EFCAB14: variants seen among roughly 807,000 people sequenced by gnomAD.
EFCAB14 encodes EF-hand calcium-binding domain-containing protein 14.
Under a neutral mutation model 56.5 loss-of-function variants are expected in EFCAB14, and 43 were observed. The ratio of observed to expected loss-of-function variants is 0.76; its 90% CI spans 0.60 to 0.98. The LOEUF is 0.98. Ranked by LOEUF, EFCAB14 falls within the 50% of genes least tolerant of loss-of-function variation. The pLI is 0.00. For missense variants in EFCAB14, 538 were observed against 580.3 expected (o/e 0.93, Z 0.75); for synonymous variants, 235 against 212.9 (o/e 1.10, Z -0.90).
intron 2 of EFCAB14, among the ~76,000 whole-genome samples, chr1:46,714,540 C>CCAGCACTT (rs1677358273): frequency 6.6e-6 from 1 of 151,868 alleles, no homozygotes. Context: ...AGTTGTAATT[C>CCAGCACTT]CAGCACTTCG....
chr1:46,690,465 G>A (rs892646875), intron 5 of EFCAB14, among the ~76,000 whole-genome samples: 1 of 152,100 alleles, frequency 6.6e-6, no homozygotes, highest in African/African-American at 2.4e-5. Flanking sequence ...TGTTTTCCTT[G>A]AAATCTGAAA....
intron 8 of EFCAB14, 41 bp downstream of exon 8, chr1:46,686,743 T>C: frequency 6.3e-7 from 1 of 1,586,982 alleles, no homozygotes; most frequent in Non-Finnish European, 8.6e-7. Context: ...GAGATGCTGC[T>C]GCATTTACTT....
Position 46,691,859 on chromosome 1 carries a change from T to C in EFCAB14, c.658A>G (p.Lys220Glu). The C allele has an allele frequency of 6.2e-7, 1 of 1,613,644 alleles. No homozygotes were observed. Residue 220 changes from lysine to glutamate, a missense_variant, in exon 5 of 11, where the codon AAG becomes GAG. Lys to Glu is a moderately conservative substitution (Grantham distance 56). Coordinates refer to ENST00000371933, the MANE Select transcript of EFCAB14 (RefSeq NM_014774.3). Reference sequence around the variant, plus strand: ...CTCTGCAGTAATTCCATCGTTTTCTTGTGTTCATCCACAGTTTTCTGTAGT... The same window carrying C: ...CTCTGCAGTAATTCCATCGTTTTCTCGTGTTCATCCACAGTTTTCTGTAGT... ...EALQKTVDEHKKTMELLQSDM... is the reference protein window; with the variant it reads ...EALQKTVDEHEKTMELLQSDM...
chr1:46,716,146 A>G, intron 2 of EFCAB14, 149 bp downstream of exon 2: 1 of 891,032 alleles, frequency 1.1e-6, no homozygotes, highest in Non-Finnish European at 1.6e-6. Flanking sequence ...GTTACTCAGA[A>G]GGCTGACCAT....
At chr1:46,695,748 C>T (rs1226920949) in intron 4 of EFCAB14, among the ~76,000 whole-genome samples, 4 of 152,158 alleles carry the variant, frequency 2.6e-5, no homozygotes, top group Non-Finnish European at 1.5e-5. Context: ...TGGTTGGTCA[C>T]AGCTCACTGT....
At chr1:46,687,391 T>C (rs1676902179) in intron 7 of EFCAB14, among the ~76,000 whole-genome samples, 1 of 152,208 alleles carries the variant, frequency 6.6e-6, no homozygotes, top group African/African-American at 2.4e-5. Flanking sequence ...CACAGCTTTG[T>C]AGTAAATTAT....
chr1:46,690,811 ACT>A (rs1676978873), intron 5 of EFCAB14, among the ~76,000 whole-genome samples: 1 of 148,702 alleles, frequency 6.7e-6, no homozygotes, highest in Non-Finnish European at 1.5e-5. Flanking sequence ...ATGGAAAAAA[ACT>A]CTCTTCTAGA....
intron 2 of EFCAB14, among the ~76,000 whole-genome samples, chr1:46,713,876 A>C (rs1043086886): frequency 6.6e-6 from 1 of 152,210 alleles, no homozygotes; most frequent in African/African-American, 2.4e-5. Flanking sequence ...CTTACAAAGG[A>C]AAAATTGGCC....
In EFCAB14 at chr1:46,687,652, T is replaced by TGGGGGCTGCAGTTATTAAAAAAA. The variant is rs1459678882; in HGVS notation, c.987+678_987+700dup. On this transcript the variant is annotated intron_variant, in intron 7 of 10. Coordinates refer to ENST00000371933, the MANE Select transcript of EFCAB14 (RefSeq NM_014774.3). Reference sequence around the variant, plus strand: ...CTTTGCTATATGAAATCTTTAAGGGTGGGGGCTGCAGTTATTAAAAAAAGA... The same window carrying TGGGGGCTGCAGTTATTAAAAAAA: ...CTTTGCTATATGAAATCTTTAAGGGTGGGGGCTGCAGTTATTAAAAAAAGGGGGCTGCAGTTATTAAAAAAAGA... 2.6e-5 allele frequency among the ~76,000 whole-genome samples: 4 copies of TGGGGGCTGCAGTTATTAAAAAAA among 152,248 alleles called. No homozygotes were observed. The East Asian group carries it at 7.7e-4, about 29-fold the overall frequency.
At chr1:46,708,338 C>CT (rs1677262049) in intron 2 of EFCAB14, among the ~76,000 whole-genome samples, 1 of 152,150 alleles carries the variant, frequency 6.6e-6, no homozygotes, top group African/African-American at 2.4e-5. Context: ...TCACTATGAT[C>CT]TTGAGCAAAT....
intron 3 of EFCAB14, among the ~76,000 whole-genome samples, chr1:46,701,372 T>C (rs983260725): frequency 7.3e-6 from 1 of 136,920 alleles, no homozygotes; most frequent in South Asian, 2.4e-4. Flanking sequence ...GGCAAGACTA[T>C]AGTTATTCCT....
In EFCAB14 at chr1:46,684,604, T is replaced by C. The variant is rs772042712; in HGVS notation, c.1075-2A>G. On this transcript the variant is annotated splice_acceptor_variant, in intron 8 of 10. Coordinates refer to ENST00000371933, the MANE Select transcript of EFCAB14 (RefSeq NM_014774.3). LOFTEE classifies it high-confidence loss of function. ...CTGAGAATTTGAACTATCTTCTTTCTGCACAAAACAAAGATTATAGAAGGT... is the reference window on the plus strand; with the variant it reads ...CTGAGAATTTGAACTATCTTCTTTCCGCACAAAACAAAGATTATAGAAGGT... The C allele has an allele frequency of 6.2e-7, 1 of 1,611,348 alleles. No individual in the cohort carries two copies.
intron 2 of EFCAB14, among the ~76,000 whole-genome samples, chr1:46,715,425 A>C (rs1677372972): frequency 6.6e-6 from 1 of 152,212 alleles, no homozygotes; most frequent in Non-Finnish European, 1.5e-5. Context: ...ATCTCACCGG[A>C]TTATTTTGTA....
intron 3 of EFCAB14, among the ~76,000 whole-genome samples, chr1:46,698,017 A>C (rs1677101596): frequency 6.6e-6 from 1 of 151,936 alleles, no homozygotes; most frequent in Admixed American, 6.5e-5. Flanking sequence ...ACACCTGGCA[A>C]ATTTTTGCAT....
chr1:46,701,331 T>G (rs1265837130), intron 3 of EFCAB14, among the ~76,000 whole-genome samples: 1 of 152,134 alleles, frequency 6.6e-6, no homozygotes, highest in African/African-American at 2.4e-5. Context: ...CCCCAAAGTA[T>G]GTACACAGTT....
intron 5 of EFCAB14, among the ~76,000 whole-genome samples, chr1:46,691,461 T>C (rs1290135207): frequency 6.6e-6 from 1 of 152,158 alleles, no homozygotes; most frequent in Non-Finnish European, 1.5e-5. Flanking sequence ...CACAGAATAG[T>C]GAGAAATAAT....
At chr1:46,696,104 CATCT>C (rs1447551229) in intron 4 of EFCAB14, among the ~76,000 whole-genome samples, 2 of 150,388 alleles carry the variant, frequency 1.3e-5, no homozygotes, top group Non-Finnish European at 3.0e-5. Context: ...TTCCCCAGGT[CATCT>C]TTTTTTTTTT....
intron 3 of EFCAB14, among the ~76,000 whole-genome samples, chr1:46,705,338 A>G (rs921213752): frequency 6.6e-6 from 1 of 152,188 alleles, no homozygotes; most frequent in Non-Finnish European, 1.5e-5. Flanking sequence ...TTTCACTGCA[A>G]TCTCTTCCAG....
chr1:46,711,319 T>C (rs1190740534), intron 2 of EFCAB14, among the ~76,000 whole-genome samples: 2 of 152,240 alleles, frequency 1.3e-5, no homozygotes, highest in Non-Finnish European at 2.9e-5. Context: ...ACATCTGCCA[T>C]ACTCAGGTAC....
Sources: allele counts gnomAD v4.1 joint callset (sites outside exome capture counted in the v4.1 genomes callset), GRCh38; gene constraint gnomAD v4.1.1; transcripts MANE v1.5; gene names NCBI Gene and HGNC (gene_info 2026-07-23, HGNC 2026-07-21).